Variants in TTC1 observed in about 807,000 individuals in gnomAD.
TTC1 encodes tetratricopeptide repeat domain 1.
Under a neutral mutation model 37.6 loss-of-function variants are expected in TTC1, and 31 were observed. The observed-to-expected ratio is 0.82, with a 90% CI of 0.62 to 1.11. The LOEUF is 1.11. Among genes scored for constraint, TTC1 ranks in the 50% most tolerant of loss-of-function variants. The probability of loss-of-function intolerance (pLI) is 0.00; values close to 1 mark genes in which losing one functional copy is unlikely to be tolerated. For missense variants in TTC1, 351 were observed against 339.0 expected (o/e 1.04, Z -0.28); for synonymous variants, 127 against 122.4 (o/e 1.04, Z -0.25).
chr5:160,021,402 G>A (rs952157216), intron 2 of TTC1, among the ~76,000 whole-genome samples: 3 of 152,176 alleles, frequency 2.0e-5, no homozygotes, highest in Non-Finnish European at 4.4e-5. Flanking sequence ...GTTGATCAAG[G>A]TCTAAAAACA....
chr5:160,017,478 A>G (rs1756627609), intron 2 of TTC1, among the ~76,000 whole-genome samples: 1 of 152,148 alleles, frequency 6.6e-6, no homozygotes, highest in African/African-American at 2.4e-5. Flanking sequence ...ACTTAATCAC[A>G]TCCCAAAAGG....
intron 4 of TTC1, among the ~76,000 whole-genome samples, chr5:160,038,472 A>G (rs1757032577): frequency 6.6e-6 from 1 of 152,126 alleles, no homozygotes; most frequent in Non-Finnish European, 1.5e-5. Flanking sequence ...CAGTTGCCCA[A>G]GTTATTGATA....
Position 160,049,629 on chromosome 5 carries a change from T to A in TTC1, c.657T>A (p.Asp219Glu). The part of the protein sequence containing the change: ...LEDYKSILEK[D>E]PSIHQAREAC... ...ACTATAAATCTATATTAGAAAAAGA[T>A]CCATCAATACATCAAGCAAGAGAAG... Residue 219 changes from aspartate (D) to glutamate (E), a missense_variant, in exon 6 of 8, where the codon GAT becomes GAA. Coordinates refer to ENST00000231238, the MANE Select transcript of TTC1 (RefSeq NM_003314.3). 6.3e-7 allele frequency: 1 copy of A among 1,598,200 alleles called. No homozygotes were observed. The highest frequency in any genetic ancestry group is 8.5e-7 in the Non-Finnish European group (1 of 1,175,556).
At chr5:160,024,879 G>T (rs916525708) in intron 2 of TTC1, among the ~76,000 whole-genome samples, 1 of 151,890 alleles carries the variant, frequency 6.6e-6, no homozygotes, top group Admixed American at 6.6e-5. Context: ...TGTCCCCCAG[G>T]CTGGGGTGCA....
At chr5:160,011,574 T>C (rs1756502893) in intron 2 of TTC1, among the ~76,000 whole-genome samples, 1 of 152,156 alleles carries the variant, frequency 6.6e-6, no homozygotes, top group Non-Finnish European at 1.5e-5. Context: ...AAAGCTAGAG[T>C]ATAATGTATA....
intron 2 of TTC1, among the ~76,000 whole-genome samples, chr5:160,027,344 A>G (rs1268662545): frequency 6.6e-6 from 1 of 152,180 alleles, no homozygotes; most frequent in African/African-American, 2.4e-5. Context: ...TTAGTTTAAT[A>G]GTACCTAATT....
intron 2 of TTC1, among the ~76,000 whole-genome samples, chr5:160,015,628 C>T (rs114742842): frequency 0.012 from 1,760 of 152,290 alleles, 22 homozygotes; most frequent in African/African-American, 0.024. Flanking sequence ...TCTACCTTTC[C>T]CTGTGTGTCT....
intron 2 of TTC1, among the ~76,000 whole-genome samples, chr5:160,029,375 C>A (rs751500079): frequency 5.9e-5 from 9 of 151,400 alleles, no homozygotes; most frequent in Non-Finnish European, 1.3e-4. Flanking sequence ...AATGGGGTGG[C>A]TCATACCTGT....
chr5:160,032,470 G>C (rs1756927713), intron 2 of TTC1, among the ~76,000 whole-genome samples: 1 of 152,070 alleles, frequency 6.6e-6, no homozygotes, highest in Non-Finnish European at 1.5e-5. Flanking sequence ...TGATCTTGTT[G>C]AGTGGCAGTA....
chr5:160,035,158 A>C lies in TTC1; in HGVS notation c.349A>C (p.Thr117Pro). The C allele has an allele frequency of 6.2e-7, 1 of 1,604,646 alleles. No individual in the cohort carries two copies. The highest frequency in any genetic ancestry group is 8.5e-7 in the Non-Finnish European group (1 of 1,176,532). Residue 117 changes from threonine (T) to proline (P), a missense_variant, in exon 3 of 8, where the codon ACT becomes CCT. Transcript: ENST00000231238. ...EEKQKRREES[T>P]RLKEEGNEQF... ...CTTTCAGAAAAGAAGAGAAGAGAGC[A>C]CTAGACTAAAGGAGGAGGGAAATGA...
intron 5 of TTC1, among the ~76,000 whole-genome samples, chr5:160,046,933 A>T (rs945055389): frequency 8.5e-5 from 13 of 152,104 alleles, no homozygotes; most frequent in Non-Finnish European, 1.8e-4. Context: ...AATCACTTGA[A>T]CCTGGGAGGT....
At chr5:160,028,079 C>T (rs911462382) in intron 2 of TTC1, among the ~76,000 whole-genome samples, 1 of 152,070 alleles carries the variant, frequency 6.6e-6, no homozygotes, top group Non-Finnish European at 1.5e-5. Flanking sequence ...GCGAGTGGAT[C>T]ACGAGGTCAG....
chr5:160,045,416 G>A (rs567124713), intron 5 of TTC1, among the ~76,000 whole-genome samples: 1 of 141,100 alleles, frequency 7.1e-6, no homozygotes, highest in South Asian at 2.3e-4. Context: ...TATCAATATG[G>A]TTTGTTTGTA....
chr5:160,013,178 C>A lies in TTC1; in HGVS notation c.330+2320C>A, dbSNP rs189071973. Among the ~76,000 whole-genome samples, 613 of 152,210 alleles carry A rather than the reference C, an allele frequency of 4.0e-3. 1 individual carries two copies. The highest frequency in any genetic ancestry group is 6.4e-3 in the Non-Finnish European group (434 of 68,010). On this transcript the variant is annotated intron_variant, in intron 2 of 7. Coordinates refer to ENST00000231238, the MANE Select transcript of TTC1 (RefSeq NM_003314.3). The stretch of plus-strand genomic sequence containing the variant: ...ACTGACTCTACTTTAAGGAAACAAC[C>A]TATAAGAGTGCAGATTGCCTTCAGC...
chr5:160,021,827 CCTAGATAAGACTAAAGCAGAAAGTT>C (rs1421916861), intron 2 of TTC1, among the ~76,000 whole-genome samples: 1 of 152,156 alleles, frequency 6.6e-6, no homozygotes, highest in Non-Finnish European at 1.5e-5. Flanking sequence ...TCTTGTCCCA[CCTAGATAAGACTAAAGCAGAAAGTT>C]TTGTTGCATG....
At chr5:160,040,413 C>A (rs574770681) in intron 4 of TTC1, among the ~76,000 whole-genome samples, 1 of 152,266 alleles carries the variant, frequency 6.6e-6, no homozygotes, top group South Asian at 2.1e-4. Flanking sequence ...AAATATCTTA[C>A]ATTTAGGCTT....
At chr5:160,023,298 T>C (rs1001428937) in intron 2 of TTC1, among the ~76,000 whole-genome samples, 1 of 151,034 alleles carries the variant, frequency 6.6e-6, no homozygotes, top group Non-Finnish European at 1.5e-5. Flanking sequence ...TTCTTTCTTT[T>C]TTTTTTTTTT....
chr5:160,034,109 A>G (rs1033927042), intron 2 of TTC1, among the ~76,000 whole-genome samples: 47 of 150,050 alleles, frequency 3.1e-4, no homozygotes, highest in Non-Finnish European at 2.4e-4. Flanking sequence ...CCTGGACAAC[A>G]TAGTGAGACC....
intron 7 of TTC1, among the ~76,000 whole-genome samples, chr5:160,058,603 G>A (rs1452492481): frequency 6.6e-6 from 1 of 151,836 alleles, no homozygotes; most frequent in Non-Finnish European, 1.5e-5. Flanking sequence ...AGTAGAGACA[G>A]GGTTTCACCG....
Sources: allele counts gnomAD v4.1 joint callset (sites outside exome capture counted in the v4.1 genomes callset), GRCh38; gene constraint gnomAD v4.1.1; transcripts MANE v1.5; gene names NCBI Gene and HGNC (gene_info 2026-07-23, HGNC 2026-07-21).